LRRC25: variants seen among roughly 807,000 people sequenced by gnomAD.
LRRC25 encodes the protein leucine rich repeat containing 25.
A neutral mutation model predicts 18.8 loss-of-function variants in LRRC25; 5 were observed. The ratio of observed to expected loss-of-function variants is 0.27; its 90% CI spans 0.14 to 0.56. The LOEUF (loss-of-function observed/expected upper bound fraction) is 0.56. Ranked by LOEUF, LRRC25 falls within the 20% of genes least tolerant of loss-of-function variation. The pLI, the probability that LRRC25 is intolerant of heterozygous loss-of-function variation, is 0.93. For missense variants in LRRC25, 341 were observed against 389.8 expected, an observed-to-expected ratio of 0.87 and a Z score of 1.05; for synonymous variants, 161 against 176.8, an observed-to-expected ratio of 0.91 and a Z score of 0.71.
chr19:18,391,895 T>C lies in LRRC25; in HGVS notation c.*92A>G, dbSNP rs1971904426. 2.1e-6 allele frequency: 3 copies of C among 1,452,974 alleles called. No homozygotes were observed. Among genetic ancestry groups the C allele is most frequent in the Non-Finnish European group, 1.9e-6 (2 of 1,066,232 alleles). 90.0% of individuals were successfully genotyped at this position (1,452,974 alleles called of 1,614,324 possible). Reference sequence around the variant, plus strand: ...TCCTTTCCTGTACCCATTCTTCAGATGGGGAAACTGAGGCCATGGAGGCGT... The same window carrying C: ...TCCTTTCCTGTACCCATTCTTCAGACGGGGAAACTGAGGCCATGGAGGCGT... On this transcript the variant is annotated 3_prime_UTR_variant, in exon 2 of 2. Transcript: ENST00000339007.
In LRRC25 at chr19:18,396,242, T is replaced by G; in HGVS notation, c.722A>C (p.Asp241Ala). The G allele has an allele frequency of 6.2e-7, 1 of 1,612,780 alleles. No homozygotes were observed. The highest frequency in any genetic ancestry group is 2.2e-5 in the East Asian group (1 of 44,824). The change falls in exon 1 of 2, where the codon GAC becomes GCC. Residue 241 changes from aspartate (D) to alanine (A), a missense_variant. Asp to Ala is a moderately radical substitution (Grantham distance 126, BLOSUM62 -2). Transcript: ENST00000339007. The stretch of plus-strand genomic sequence containing the variant: ...CTGGCCCACAAACATGTTCTCATAG[T>G]CGGGAGTGGAGGGGCAGGATGGCAC... ...VAVPSCPSTP[D>A]YENMFVGQPA... is the part of the protein sequence containing the mutation.
intron 1 of LRRC25, among the ~76,000 whole-genome samples, chr19:18,395,773 T>G (rs954901283): frequency 1.3e-5 from 2 of 152,114 alleles, no homozygotes; most frequent in Admixed American, 6.6e-5. Flanking sequence ...CAGGCTGGAG[T>G]GCAATGGCAT....
chr19:18,392,148 G>A (rs767827846), intron 1 of LRRC25, 23 bp from the exon 2 acceptor site: 2 of 1,610,524 alleles, frequency 1.2e-6, no homozygotes, highest in Non-Finnish European at 1.7e-6. Context: ...ACAGACCAGG[G>A]GTAAGTGTGG....
In LRRC25 at chr19:18,397,559, G is replaced by T. The variant is rs1971987431; in HGVS notation, c.-596C>A. 6.4e-6 allele frequency: 1 copy of T among 155,706 alleles called. No individual in the cohort carries two copies. Among genetic ancestry groups the T allele is most frequent in the African/African-American group, 2.4e-5 (1 of 41,460 alleles). 9.6% of individuals were successfully genotyped at this position (155,706 alleles called of 1,614,324 possible). On this transcript the variant is annotated 5_prime_UTR_variant, in exon 1 of 2. Transcript: ENST00000339007. Reference sequence around the variant, plus strand: ...GGACACGGGGGCCGCAGCGGCCACGGCCAGCACCGTCCGCAGCGCTGCTGG... The same window carrying T: ...GGACACGGGGGCCGCAGCGGCCACGTCCAGCACCGTCCGCAGCGCTGCTGG...
chr19:18,396,432 C>A lies in LRRC25; in HGVS notation c.532G>T (p.Gly178Ter). The A allele has an allele frequency of 1.2e-6, 2 of 1,613,488 alleles. No homozygotes were observed. The highest frequency in any genetic ancestry group is 2.2e-5 in the South Asian group (2 of 91,084). Residue 178 changes from glycine (G) to a stop codon, truncating the protein, a stop_gained, in exon 1 of 2, where the codon GGA becomes TGA. Coordinates refer to ENST00000339007, the MANE Select transcript of LRRC25 (RefSeq NM_145256.3). LOFTEE classifies it high-confidence loss of function. The part of the protein sequence containing the change: ...AVVVSGCLLL[G>*]LAIAGPVLAW... Reference sequence around the variant, plus strand: ...AGCACAGGGCCAGCGATGGCAAGTCCAAGAAGCAGGCACCCGCTGACCACC... The same window carrying A: ...AGCACAGGGCCAGCGATGGCAAGTCAAAGAAGCAGGCACCCGCTGACCACC...
intron 1 of LRRC25, among the ~76,000 whole-genome samples, chr19:18,393,009 G>A (rs1600254670): frequency 6.6e-6 from 1 of 152,056 alleles, no homozygotes; most frequent in South Asian, 2.1e-4. Context: ...AGAAATTGAG[G>A]TAGCTGTTCA....
At position 18,391,744 on chromosome 19, in the gene LRRC25, G is replaced by A. The variant is rs1056650561; in HGVS notation, c.*243C>T. ...CCACAGGAGGGTGATGACAGGATTGGCACAGTGACCGTCCTGTCCCCTTGT... is the reference window on the plus strand; with the variant it reads ...CCACAGGAGGGTGATGACAGGATTGACACAGTGACCGTCCTGTCCCCTTGT... On this transcript the variant is annotated 3_prime_UTR_variant, in exon 2 of 2. Transcript: ENST00000339007. 9 of 452,408 alleles carry A rather than the reference G, an allele frequency of 2.0e-5. No homozygotes were observed. The highest frequency in any genetic ancestry group is 3.3e-5 in the Non-Finnish European group (8 of 243,356). 28.0% of individuals were successfully genotyped at this position (452,408 alleles called of 1,614,324 possible).
intron 1 of LRRC25, among the ~76,000 whole-genome samples, chr19:18,393,924 T>G (rs1433490110): frequency 1.3e-5 from 2 of 152,192 alleles, no homozygotes; most frequent in African/African-American, 4.8e-5. Context: ...GAGGCCAAGA[T>G]GAACATCAGA....
At position 18,396,933 on chromosome 19, in the gene LRRC25, A is replaced by G; in HGVS notation, c.31T>C (p.Leu11=). 6 of 1,610,904 alleles carry G rather than the reference A, an allele frequency of 3.7e-6. No homozygotes were observed. Among genetic ancestry groups the G allele is most frequent in the Non-Finnish European group, 5.1e-6 (6 of 1,178,480 alleles). Residue 11 remains leucine, a synonymous_variant, in exon 1 of 2, where the codon TTG becomes CTG. Transcript: ENST00000339007. ...TCTGACTCCCGCAGCAGCAGCGGCAACAGCAGCGTCCATGCCAGGGTGCCC... is the reference window on the plus strand; with the variant it reads ...TCTGACTCCCGCAGCAGCAGCGGCAGCAGCAGCGTCCATGCCAGGGTGCCC... MGGTLAWTLL[L]PLLLRESDSL... is the part of the protein sequence containing the mutation.
At chr19:18,393,934 A>G (rs890034132) in intron 1 of LRRC25, among the ~76,000 whole-genome samples, 2 of 152,212 alleles carry the variant, frequency 1.3e-5, no homozygotes, top group African/African-American at 4.8e-5. Context: ...TGAACATCAG[A>G]GCACAAGCTG....
In LRRC25 at chr19:18,391,902, A is replaced by T. The variant is rs1971904531; in HGVS notation, c.*85T>A. The T allele has an allele frequency of 6.7e-7, 1 of 1,485,056 alleles. No homozygotes were observed. Among genetic ancestry groups the T allele is most frequent in the African/African-American group, 1.4e-5 (1 of 71,872 alleles). 92.0% of individuals were successfully genotyped at this position (1,485,056 alleles called of 1,614,324 possible). ...CTGTACCCATTCTTCAGATGGGGAA[A>T]CTGAGGCCATGGAGGCGTTAGGACG... On this transcript the variant is annotated 3_prime_UTR_variant, in exon 2 of 2. Transcript: ENST00000339007.
chr19:18,392,430 T>G (rs956809766), intron 1 of LRRC25, among the ~76,000 whole-genome samples: 2 of 151,674 alleles, frequency 1.3e-5, no homozygotes, highest in African/African-American at 4.9e-5. Flanking sequence ...AGGTAGAGGT[T>G]GTAGTGAGCC....
chr19:18,392,446 C>T (rs1217932104), intron 1 of LRRC25, among the ~76,000 whole-genome samples: 2 of 151,750 alleles, frequency 1.3e-5, no homozygotes, highest in African/African-American at 4.8e-5. Context: ...GAGCCGAGAT[C>T]GTGCCATTGC....
rs116981039 is a variant in LRRC25, at chr19:18,393,720, G to A, written c.780-1595C>T. Among the ~76,000 whole-genome samples the A allele has an allele frequency of 7.2e-5, 11 of 152,294 alleles. No individual in the cohort carries two copies. The East Asian group carries it at 2.1e-3, about 29-fold the overall frequency. ...TAAGTGGTTGTAGGGGGACGAACAG[G>A]TCTGGGACGCAGGGTTTGTGTCCTG... On this transcript the variant is annotated intron_variant, in intron 1 of 1. Transcript: ENST00000339007.
intron 1 of LRRC25, among the ~76,000 whole-genome samples, chr19:18,392,616 C>T (rs1034532674): frequency 2.0e-5 from 3 of 152,122 alleles, no homozygotes; most frequent in African/African-American, 7.2e-5. Context: ...GAGGAGGCTG[C>T]GGGAGGGCAG....
Position 18,391,725 on chromosome 19 carries a change from G to C in LRRC25, c.*262C>G, listed in dbSNP as rs940172893. The stretch of plus-strand genomic sequence containing the variant: ...TTGAGCACTGCCTGTACATCCACAG[G>C]AGGGTGATGACAGGATTGGCACAGT... On this transcript the variant is annotated 3_prime_UTR_variant, in exon 2 of 2. Coordinates refer to ENST00000339007, the MANE Select transcript of LRRC25 (RefSeq NM_145256.3). 3 of 393,170 alleles carry C rather than the reference G, an allele frequency of 7.6e-6. No individual in the cohort carries two copies. The highest frequency in any genetic ancestry group is 1.4e-5 in the Non-Finnish European group (3 of 206,920). The allele number at this position is 393,170 out of a possible 1,614,324, so 24.4% of individuals were successfully genotyped here.
At chr19:18,395,920 C>T (rs1448668202) in intron 1 of LRRC25, among the ~76,000 whole-genome samples, 1 of 152,092 alleles carries the variant, frequency 6.6e-6, no homozygotes, top group Admixed American at 6.6e-5. Context: ...TGGGTTTCAC[C>T]GTGTTGGCCA....
At chr19:18,393,823 T>C (rs764761374) in intron 1 of LRRC25, among the ~76,000 whole-genome samples, 11 of 152,120 alleles carry the variant, frequency 7.2e-5, no homozygotes, top group African/African-American at 1.9e-4. Flanking sequence ...AACTGTAAGA[T>C]GCAGGGTGGA....
In LRRC25 at chr19:18,396,747, G is replaced by T; in HGVS notation, c.217C>A (p.Leu73Met). ...AAGAAGGTCACTGGAAGCTCTCGCA[G>T]GCCGTTCCCAGACAGGTCAAGGAGA... ...VILLDLSGNG[L>M]RELPVTFFAH... is the part of the protein sequence containing the mutation. The change falls in exon 1 of 2, where the codon CTG becomes ATG. Residue 73 changes from leucine (L) to methionine (M), a missense_variant. Coordinates refer to ENST00000339007, the MANE Select transcript of LRRC25 (RefSeq NM_145256.3). 1 of 1,614,168 alleles carries T rather than the reference G, an allele frequency of 6.2e-7. No individual in the cohort carries two copies. The highest frequency in any genetic ancestry group is 1.7e-5 in the Admixed American group (1 of 60,008).
Sources: allele counts gnomAD v4.1 joint callset (sites outside exome capture counted in the v4.1 genomes callset), GRCh38; gene constraint gnomAD v4.1.1; transcripts MANE v1.5; gene names NCBI Gene and HGNC (gene_info 2026-07-23, HGNC 2026-07-21).